The following NCDN variants were observed in gnomAD, a reference collection of about 807,000 sequenced individuals.
NCDN encodes the protein neurochondrin.
NCDN carries 9 observed loss-of-function variants against 60.7 expected under a neutral mutation model. That is an observed-to-expected ratio of 0.15 (90% CI 0.09 to 0.26). The LOEUF (loss-of-function observed/expected upper bound fraction) is 0.26. NCDN is among the 10% of genes least tolerant of loss of function. The pLI is 1.00. For synonymous variants in NCDN, 409 were observed against 442.5 expected (o/e 0.92, Z 0.95); for missense variants, 578 against 975.2 (o/e 0.59, Z 5.42).
In NCDN at chr1:35,565,571, C is replaced by T. The variant is rs1294784217; in HGVS notation, c.2098C>T (p.Leu700=). The T allele has an allele frequency of 6.4e-7, 1 of 1,564,206 alleles. No homozygotes were observed. Among genetic ancestry groups the T allele is most frequent in the Admixed American group, 1.9e-5 (1 of 52,624 alleles). Residue 700 remains leucine, a synonymous_variant, in exon 7 of 7, where the codon CTG becomes TTG. Transcript: ENST00000373243. The surrounding 1 kb of genome is among the most constrained non-coding windows in gnomAD (Gnocchi z 8.9). ...GGTGGAGCTGGCGCGGGCCAACCGGCTGTGCCGGGAGGCCATGAGGCTGCA... is the reference window on the plus strand; with the variant it reads ...GGTGGAGCTGGCGCGGGCCAACCGGTTGTGCCGGGAGGCCATGAGGCTGCA... ...VLVELARANR[L]CREAMRLQAG...
Position 35,557,914 on chromosome 1 carries a change from G to A in NCDN, c.-277G>A. ...CTCAGCCCCCTTCGGGCCCTCCCCTGCATCCCAGCCGGGGCCTCTCCGAGC... is the reference window on the plus strand; with the variant it reads ...CTCAGCCCCCTTCGGGCCCTCCCCTACATCCCAGCCGGGGCCTCTCCGAGC... On this transcript the variant is annotated 5_prime_UTR_variant, in exon 1 of 7. Transcript: ENST00000373243. The A allele has an allele frequency of 1.6e-6, 1 of 624,912 alleles. No homozygotes were observed. Among genetic ancestry groups the A allele is most frequent in the Non-Finnish European group, 2.9e-6 (1 of 346,366 alleles). 38.7% of individuals were successfully genotyped at this position (624,912 alleles called of 1,614,324 possible). A position where few individuals can be genotyped will look rare whatever the true frequency, so the allele number is the denominator to read the frequency against.
rs562867306 is a variant in NCDN at position 35,563,103 on chromosome 1, C to T, written c.1386-99C>T. On this transcript the variant is annotated intron_variant, in intron 4 of 6. Transcript: ENST00000373243. This position sits in a 1 kb window ranked among gnomAD's most constrained non-coding sequence, Gnocchi z 6.6. ...TACCTGCGAGGATGTGTCCTTCTCC[C>T]CTACTTCCATTTCTCTTAGGCAAGG... 4 of 1,120,214 alleles carry T rather than the reference C, an allele frequency of 3.6e-6. No individual in the cohort carries two copies. Among genetic ancestry groups the T allele is most frequent in the Non-Finnish European group, 5.0e-6 (4 of 800,058 alleles). 69.4% of individuals were successfully genotyped at this position (1,120,214 alleles called of 1,614,324 possible). A position where few individuals can be genotyped will look rare whatever the true frequency, so the allele number is the denominator to read the frequency against.
At position 35,560,277 on chromosome 1, in the gene NCDN, C is replaced by A; in HGVS notation, c.175-49C>A. 6.3e-7 allele frequency: 1 copy of A among 1,575,998 alleles called. No homozygotes were observed. Among genetic ancestry groups the A allele is most frequent in the South Asian group, 1.2e-5 (1 of 85,742 alleles). ...CCCCAGGATGCAGGAGAGGGACAGT[C>A]TTTCCCACTTCTTCCTTTCATCCTG... is the stretch of plus-strand genomic sequence containing the variant. On this transcript the variant is annotated intron_variant, in intron 2 of 6. Transcript: ENST00000373243. The surrounding 1 kb of genome is among the most constrained non-coding windows in gnomAD (Gnocchi z 7.6).
chr1:35,558,768 T>G lies in NCDN; in HGVS notation c.34-339T>G. The G allele has an allele frequency of 9.0e-7, 1 of 1,105,386 alleles. No homozygotes were observed. The highest frequency in any genetic ancestry group is 1.1e-6 in the Non-Finnish European group (1 of 878,118). 68.5% of individuals were successfully genotyped at this position (1,105,386 alleles called of 1,614,324 possible). On this transcript the variant is annotated intron_variant, in intron 1 of 6. Transcript: ENST00000373243. This position sits in a 1 kb window ranked among gnomAD's most constrained non-coding sequence, Gnocchi z 6.3. ...GAGGGAGATAAAACCCAGCCTCCGG[T>G]GCCAGGGGGACAGCTGAGCAGTGGG...
chr1:35,565,683 G>T lies in NCDN; in HGVS notation c.*20G>T. On this transcript the variant is annotated 3_prime_UTR_variant, in exon 7 of 7. Coordinates refer to ENST00000373243, the MANE Select transcript of NCDN (RefSeq NM_014284.3). The surrounding 1 kb of genome is among the most constrained non-coding windows in gnomAD (Gnocchi z 8.9). ...CCCTGAGGGGTGTCCACCGGGGACA[G>T]ACCCAGGGGCGGGCAGAGAGGGAAG... The T allele has an allele frequency of 6.5e-7, 1 of 1,529,356 alleles. No homozygotes were observed. Among genetic ancestry groups the T allele is most frequent in the South Asian group, 1.2e-5 (1 of 83,912 alleles). The allele number at this position is 1,529,356 out of a possible 1,614,324, so 94.7% of individuals were successfully genotyped here.
chr1:35,562,675 C>G lies in NCDN; in HGVS notation c.1385+42C>G. ...AGTCTGTCCAGCTAGATCATTCTAC[C>G]GAAAAGCGTTAACACAAGGACACCC... is the stretch of plus-strand genomic sequence containing the variant. On this transcript the variant is annotated intron_variant, in intron 4 of 6. Transcript: ENST00000373243. The surrounding 1 kb of genome is among the most constrained non-coding windows in gnomAD (Gnocchi z 6.8). 1 of 1,578,452 alleles carries G rather than the reference C, an allele frequency of 6.3e-7. No homozygotes were observed. Among genetic ancestry groups the G allele is most frequent in the Non-Finnish European group, 8.6e-7 (1 of 1,159,828 alleles).
Position 35,558,199 on chromosome 1 carries a change from TTGTG to T in NCDN, c.10_13del (p.Cys4ThrfsTer22), listed in dbSNP as rs1648444679. ...CTGTCGTGACTTCATCAATGTCGTG[TTGTG>T]ACCTGGCTGCGGCGGGACAGGTGGT... is the stretch of plus-strand genomic sequence containing the variant. On this transcript the variant is annotated frameshift_variant, in exon 1 of 7. Transcript: ENST00000373243. LOFTEE classifies it high-confidence loss of function. This position sits in a 1 kb window ranked among gnomAD's most constrained non-coding sequence, Gnocchi z 6.3. 6.2e-7 allele frequency: 1 copy of T among 1,613,984 alleles called. No homozygotes were observed. The highest frequency in any genetic ancestry group is 1.3e-5 in the African/African-American group (1 of 74,890).
rs1443345623 is a variant in NCDN at position 35,561,282 on chromosome 1, C to G, written c.1131C>G (p.His377Gln). 4 of 1,590,108 alleles carry G rather than the reference C, an allele frequency of 2.5e-6. No individual in the cohort carries two copies. Among genetic ancestry groups the G allele is most frequent in the Non-Finnish European group, 1.7e-6 (2 of 1,170,854 alleles). Residue 377 changes from histidine to glutamine, a missense_variant, in exon 3 of 7, where the codon CAC becomes CAG. By Grantham distance (24) the His-to-Gln change is conservative. Coordinates refer to ENST00000373243, the MANE Select transcript of NCDN (RefSeq NM_014284.3). This position sits in a 1 kb window ranked among gnomAD's most constrained non-coding sequence, Gnocchi z 4.9. The part of the protein sequence containing the change: ...VMKEAIGAVI[H>Q]YLLQVGSEKQ... ...AGGAGGCCATAGGGGCTGTTATCCA[C>G]TACCTGCTGCAGGTGAGGGTGCAGT...
Position 35,562,313 on chromosome 1 carries a change from A to G in NCDN, c.1144-79A>G, listed in dbSNP as rs915940160. 6.4e-7 allele frequency: 1 copy of G among 1,558,408 alleles called. No individual in the cohort carries two copies. The highest frequency in any genetic ancestry group is 1.9e-5 in the Admixed American group (1 of 53,854). Reference sequence around the variant, plus strand: ...GCCAGAATTTCCTTCTAGTTGTATTATTTCTAGCTGGCTGGCCTCTGGCAA... The same window carrying G: ...GCCAGAATTTCCTTCTAGTTGTATTGTTTCTAGCTGGCTGGCCTCTGGCAA... On this transcript the variant is annotated intron_variant, in intron 3 of 6. Transcript: ENST00000373243. The surrounding 1 kb of genome is among the most constrained non-coding windows in gnomAD (Gnocchi z 6.8).
chr1:35,561,495 C>T lies in NCDN; in HGVS notation c.1143+201C>T, dbSNP rs1205334564. On this transcript the variant is annotated intron_variant, in intron 3 of 6. Coordinates refer to ENST00000373243, the MANE Select transcript of NCDN (RefSeq NM_014284.3). This position sits in a 1 kb window ranked among gnomAD's most constrained non-coding sequence, Gnocchi z 4.9. ...CCCTCCACACAAGCACCATACCACA[C>T]ACCATATGTGCACTCACATCACAGT... Among the ~76,000 whole-genome samples, 7 of 152,060 alleles carry T rather than the reference C, an allele frequency of 4.6e-5. No individual in the cohort carries two copies. The highest frequency in any genetic ancestry group is 1.7e-4 in the African/African-American group (7 of 41,384).
In NCDN at chr1:35,558,758, C is replaced by T; in HGVS notation, c.34-349C>T. The T allele has an allele frequency of 8.8e-7, 1 of 1,134,648 alleles. No individual in the cohort carries two copies. The highest frequency in any genetic ancestry group is 4.4e-5 in the East Asian group (1 of 22,980). The allele number at this position is 1,134,648 out of a possible 1,614,324, so 70.3% of individuals were successfully genotyped here. On this transcript the variant is annotated intron_variant, in intron 1 of 6. Coordinates refer to ENST00000373243, the MANE Select transcript of NCDN (RefSeq NM_014284.3). This position sits in a 1 kb window ranked among gnomAD's most constrained non-coding sequence, Gnocchi z 6.3. The stretch of plus-strand genomic sequence containing the variant: ...TGTCCCTGTGGAGGGAGATAAAACC[C>T]AGCCTCCGGTGCCAGGGGGACAGCT...
chr1:35,559,063 T>TCCCCC, intron 1 of NCDN, 44 bp from the exon 2 acceptor site: 2 of 401,656 alleles, frequency 5.0e-6, no homozygotes, highest in South Asian at 2.7e-5. Flanking sequence ...CCCACCCCCG[T>TCCCCC]CCCTCCTCTG....
Position 35,562,325 on chromosome 1 carries a change from C to A in NCDN, c.1144-67C>A, listed in dbSNP as rs749377864. On this transcript the variant is annotated intron_variant, in intron 3 of 6. Coordinates refer to ENST00000373243, the MANE Select transcript of NCDN (RefSeq NM_014284.3). This position sits in a 1 kb window ranked among gnomAD's most constrained non-coding sequence, Gnocchi z 6.8. ...TTCTAGTTGTATTATTTCTAGCTGG[C>A]TGGCCTCTGGCAAGGCAGGGAGGGT... is the stretch of plus-strand genomic sequence containing the variant. The A allele has an allele frequency of 9.2e-5, 145 of 1,573,582 alleles. No homozygotes were observed. Among genetic ancestry groups the A allele is most frequent in the Admixed American group, 3.6e-5 (2 of 55,576 alleles).
At position 35,563,890 on chromosome 1, in the gene NCDN, G is replaced by C. The variant is rs761372029; in HGVS notation, c.1734G>C (p.Arg578=). 4.6e-5 allele frequency: 75 copies of C among 1,613,846 alleles called. No homozygotes were observed. Among genetic ancestry groups the C allele is most frequent in the Non-Finnish European group, 5.8e-5 (69 of 1,179,924 alleles). ...NVATLGLLMA[R]LLSTSPALQG... Reference sequence around the variant, plus strand: ...CCACCCTGGGGCTCCTCATGGCCCGGCTCCTTAGCACCTCTCCAGGTAAGA... The same window carrying C: ...CCACCCTGGGGCTCCTCATGGCCCGCCTCCTTAGCACCTCTCCAGGTAAGA... The change falls in exon 6 of 7, where the codon CGG becomes CGC. Residue 578 remains arginine, a synonymous_variant. Transcript: ENST00000373243. The surrounding 1 kb of genome is among the most constrained non-coding windows in gnomAD (Gnocchi z 6.6).
rs12094935 is a variant in NCDN at position 35,563,742 on chromosome 1, C to T, written c.1611-25C>T. The T allele has an allele frequency of 0.034, 55,487 of 1,611,780 alleles. 5,569 individuals carry two copies. Among genetic ancestry groups the T allele is most frequent in the African/African-American group, 0.31 (23,006 of 74,800 alleles). ...GCTGTACTAGACCCCCACCTACCTC[C>T]ATCCTTCCCCCCTTTCTTTTCCAGG... On this transcript the variant is annotated intron_variant, in intron 5 of 6. Transcript: ENST00000373243. This position sits in a 1 kb window ranked among gnomAD's most constrained non-coding sequence, Gnocchi z 6.6.
Position 35,566,369 on chromosome 1 carries a change from T to TG in NCDN, c.*712dup, listed in dbSNP as rs149256824. The TG allele has an allele frequency of 0.066, 13,107 of 198,652 alleles. 1,075 individuals carry two copies. Among genetic ancestry groups the TG allele is most frequent in the East Asian group, 0.35 (2,420 of 6,946 alleles). The allele number at this position is 198,652 out of a possible 1,614,324, so 12.3% of individuals were successfully genotyped here. Reference sequence around the variant, plus strand: ...GTTGCAGCAGAGTGACGATGGGGGTTGGGGGGTTATTTATTTTGCCTGTCC... The same window carrying TG: ...GTTGCAGCAGAGTGACGATGGGGGTTGGGGGGGTTATTTATTTTGCCTGTCC... On this transcript the variant is annotated 3_prime_UTR_variant, in exon 7 of 7. Transcript: ENST00000373243. The surrounding 1 kb of genome is among the most constrained non-coding windows in gnomAD (Gnocchi z 5.3).
In NCDN at chr1:35,562,515, C is replaced by G. The variant is rs374178078; in HGVS notation, c.1267C>G (p.Arg423Gly). Residue 423 changes from arginine to glycine, a missense_variant, in exon 4 of 7, where the codon CGC becomes GGC. Coordinates refer to ENST00000373243, the MANE Select transcript of NCDN (RefSeq NM_014284.3). The surrounding 1 kb of genome is among the most constrained non-coding windows in gnomAD (Gnocchi z 6.8). ...EVCQLLPFLV[R>G]YAKTLYEEAE... ...GTGCCAGCTGCTGCCCTTCCTCGTC[C>G]GCTATGCCAAGACCCTCTACGAGGA... 1 of 1,614,114 alleles carries G rather than the reference C, an allele frequency of 6.2e-7. No homozygotes were observed. Among genetic ancestry groups the G allele is most frequent in the Non-Finnish European group, 8.5e-7 (1 of 1,180,006 alleles).
Position 35,563,231 on chromosome 1 carries a change from C to G in NCDN, c.1415C>G (p.Thr472Ser). 6.2e-7 allele frequency: 1 copy of G among 1,613,950 alleles called. No homozygotes were observed. Among genetic ancestry groups the G allele is most frequent in the African/African-American group, 1.3e-5 (1 of 75,066 alleles). The change falls in exon 5 of 7, where the codon ACC becomes AGC. Residue 472 changes from threonine (T) to serine (S), a missense_variant. This residue lies in a region of NCDN where 191 missense variants were observed against 372.1 expected (regional missense o/e 0.51). Coordinates refer to ENST00000373243, the MANE Select transcript of NCDN (RefSeq NM_014284.3). The surrounding 1 kb of genome is among the most constrained non-coding windows in gnomAD (Gnocchi z 6.6). ...CTCCTGCCTGGCTGGTGCCACCTGA[C>G]CGTTGAAGATGGGCCCCGGGAGATC... ...RLLLPGWCHL[T>S]VEDGPREILI...
chr1:35,564,240 G>A (rs1181628120), intron 6 of NCDN, among the ~76,000 whole-genome samples: 2 of 152,120 alleles, frequency 1.3e-5, no homozygotes, highest in Admixed American at 1.3e-4. Context: ...CCCAGGCCTT[G>A]AGTCAGAAAC....
Sources: gnomAD v4.1 joint callset for allele counts (sites outside exome capture counted in the v4.1 genomes callset) on GRCh38, gnomAD v4.1.1 for gene constraint, gnomAD v4.1.1 regional missense constraint, Gnocchi (gnomAD v3.1) non-coding constraint, MANE v1.5 for transcripts, NCBI Gene and HGNC (gene_info 2026-07-23, HGNC 2026-07-21) for gene names.